Variants in SGK1 observed in about 807,000 individuals in gnomAD.
The protein encoded by SGK1 is serum/glucocorticoid regulated kinase 1, also known as serine/threonine-protein kinase Sgk1.
A neutral mutation model predicts 64.2 loss-of-function variants in SGK1; 26 were observed. The ratio of observed to expected loss-of-function variants is 0.40; its 90% CI spans 0.30 to 0.56. The LOEUF (loss-of-function observed/expected upper bound fraction) is 0.56. Among genes scored for constraint, SGK1 ranks in the 20% least tolerant of loss-of-function variants. The pLI is 0.38. For missense variants in SGK1, 519 were observed against 645.6 expected (o/e 0.80, Z 2.12); for synonymous variants, 265 against 239.7 (o/e 1.11, Z -0.98).
rs1299370280 is a variant in SGK1, at chr6:134,208,920, GT to G, written c.286-1490del. ...TGTATATATATATACACACACACGT[GT>G]TTTTTTCGTATATGATTTCTTTTCC... On this transcript the variant is annotated intron_variant, in intron 2 of 13. Coordinates refer to ENST00000367858, the MANE Select transcript of SGK1 (RefSeq NM_001143676.3). Among the ~76,000 whole-genome samples the G allele has an allele frequency of 2.1e-5, 3 of 141,268 alleles. 1 individual carries two copies. In the Admixed American group the frequency reaches 2.1e-4, roughly 10 times the overall value. 92.7% of individuals were successfully genotyped at this position (141,268 alleles called of 152,430 possible).
chr6:134,261,782 C>A, intron 2 of SGK1, 151 bp downstream of exon 2: 1 of 669,356 alleles, frequency 1.5e-6, no homozygotes. Context: ...ACATAATGAG[C>A]TAACAAAGAC....
chr6:134,263,252 A>C (rs1298131149), intron 1 of SGK1, among the ~76,000 whole-genome samples: 1 of 152,108 alleles, frequency 6.6e-6, no homozygotes, highest in Non-Finnish European at 1.5e-5. Context: ...TATTATTGTT[A>C]TTGAGACAGG....
chr6:134,302,250 A>G (rs980267314), intron 1 of SGK1, among the ~76,000 whole-genome samples: 3 of 152,228 alleles, frequency 2.0e-5, no homozygotes, highest in African/African-American at 7.2e-5. Flanking sequence ...TTTGTCCCTC[A>G]GTGCCTTGTG....
chr6:134,311,757 G>A (rs970494494), intron 1 of SGK1, among the ~76,000 whole-genome samples: 8 of 152,148 alleles, frequency 5.3e-5, no homozygotes, highest in African/African-American at 1.7e-4. Context: ...TGTTGTGGGC[G>A]CAGGCTCAAG....
At chr6:134,272,892 A>T (rs1430371017) in intron 1 of SGK1, among the ~76,000 whole-genome samples, 1 of 148,372 alleles carries the variant, frequency 6.7e-6, no homozygotes, top group Admixed American at 6.9e-5. Context: ...CTTCATTTGC[A>T]TATACTCTGC....
intron 1 of SGK1, chr6:134,297,325 T>A (rs1777372144): frequency 8.4e-7 from 1 of 1,196,196 alleles, no homozygotes; most frequent in Non-Finnish European, 1.2e-6. Context: ...TATCGCGCCA[T>A]GTCCTGCTAG....
At chr6:134,276,172 A>G (rs970145067) in intron 1 of SGK1, among the ~76,000 whole-genome samples, 1 of 152,200 alleles carries the variant, frequency 6.6e-6, no homozygotes, top group Non-Finnish European at 1.5e-5. Context: ...CCCAACATAC[A>G]GGCAATGCTG....
At position 134,309,946 on chromosome 6, in the gene SGK1, C is replaced by T. The variant is rs556098091; in HGVS notation, c.69+7446G>A. On this transcript the variant is annotated intron_variant, in intron 1 of 13. Transcript: ENST00000367858. ...TATGCTTCTACAATATTTGCTCTAG[C>T]GAACTATCTTTAGCTTGACCTAAAT... Among the ~76,000 whole-genome samples, 8 of 152,246 alleles carry T rather than the reference C, an allele frequency of 5.3e-5. No individual in the cohort carries two copies. In the South Asian group the frequency reaches 8.3e-4, roughly 16 times the overall value.
At chr6:134,213,218 A>C (rs992310846) in intron 2 of SGK1, among the ~76,000 whole-genome samples, 8 of 152,076 alleles carry the variant, frequency 5.3e-5, no homozygotes, top group African/African-American at 1.9e-4. Flanking sequence ...AAGCGAGAAA[A>C]TTTATTATCA....
chr6:134,176,195 T>C (rs1353148943), intron 3 of SGK1, among the ~76,000 whole-genome samples: 1 of 152,188 alleles, frequency 6.6e-6, no homozygotes, highest in African/African-American at 2.4e-5. Flanking sequence ...CCTCTCCCGC[T>C]GTCCCACCTG....
chr6:134,256,162 C>G (rs534852229), intron 2 of SGK1, among the ~76,000 whole-genome samples: 3 of 147,790 alleles, frequency 2.0e-5, no homozygotes, highest in Admixed American at 6.9e-5. Flanking sequence ...TTATCTGGAA[C>G]ATTATTATTT....
At chr6:134,172,078 T>C (rs1775045740) in intron 10 of SGK1, 115 bp downstream of exon 10, 1 of 1,127,546 alleles carries the variant, frequency 8.9e-7, no homozygotes, top group Admixed American at 2.3e-5. Flanking sequence ...TGCACTGAAC[T>C]GTATTAAGAA....
At chr6:134,212,158 A>G (rs1442440846) in intron 2 of SGK1, among the ~76,000 whole-genome samples, 2 of 151,542 alleles carry the variant, frequency 1.3e-5, no homozygotes, top group East Asian at 2.0e-4. Flanking sequence ...GGTTCACGCC[A>G]TTCTCCTGCC....
chr6:134,289,389 C>T (rs1379459947), intron 1 of SGK1, among the ~76,000 whole-genome samples: 1 of 152,190 alleles, frequency 6.6e-6, no homozygotes, highest in African/African-American at 2.4e-5. Context: ...GCCTTTACTA[C>T]TCAGGAAGTG....
At chr6:134,294,179 T>C in intron 1 of SGK1, among the ~76,000 whole-genome samples, 1 of 152,206 alleles carries the variant, frequency 6.6e-6, no homozygotes, top group Admixed American at 6.5e-5. Flanking sequence ...TTTATTTTTC[T>C]TCAGCACGTT....
intron 2 of SGK1, among the ~76,000 whole-genome samples, chr6:134,220,502 C>G (rs984684453): frequency 3.3e-5 from 5 of 152,130 alleles, no homozygotes; most frequent in African/African-American, 1.2e-4. Flanking sequence ...AGAGCATGAG[C>G]TCTGGTGTCA....
chr6:134,271,491 T>C (rs1776939859), intron 1 of SGK1, among the ~76,000 whole-genome samples: 1 of 147,580 alleles, frequency 6.8e-6, no homozygotes, highest in Non-Finnish European at 1.5e-5. Context: ...TCAGGGAAAA[T>C]AGAAATGCTG....
In SGK1 at chr6:134,271,329, G is replaced by A. The variant is rs1272325357; in HGVS notation, c.70-9181C>T. 2.3e-5 allele frequency among the ~76,000 whole-genome samples: 3 copies of A among 129,180 alleles called. 1 individual carries two copies. The highest frequency in any genetic ancestry group is 2.3e-4 in the Admixed American group (3 of 12,980). 84.7% of individuals were successfully genotyped at this position (129,180 alleles called of 152,430 possible). On this transcript the variant is annotated intron_variant, in intron 1 of 13. Transcript: ENST00000367858. ...ACTGTCTCAAAAAAAAAAAAAAATT[G>A]TGGGACTCATTCTTTTCGTTTGAAT...
At chr6:134,302,330 C>A (rs1168722977) in intron 1 of SGK1, among the ~76,000 whole-genome samples, 2 of 152,116 alleles carry the variant, frequency 1.3e-5, no homozygotes, top group Non-Finnish European at 2.9e-5. Flanking sequence ...AAATGAAATA[C>A]CTTTTTAACA....
Sources: allele counts gnomAD v4.1 joint callset (sites outside exome capture counted in the v4.1 genomes callset), GRCh38; gene constraint gnomAD v4.1.1; transcripts MANE v1.5; gene names NCBI Gene and HGNC (gene_info 2026-07-23, HGNC 2026-07-21).